NHSL1: variants seen among roughly 807,000 people sequenced by gnomAD.
NHSL1 encodes NHS-like protein 1.
Under a neutral mutation model 95.0 loss-of-function variants are expected in NHSL1, and 48 were observed. That is an observed-to-expected ratio of 0.51 (90% CI 0.40 to 0.64). The LOEUF (loss-of-function observed/expected upper bound fraction) is 0.64, where lower values mean the gene tolerates loss of function less well. Among genes scored for constraint, NHSL1 ranks in the 30% least tolerant of loss-of-function variants. The pLI is 0.00. For synonymous variants in NHSL1, 783 were observed against 833.9 expected (o/e 0.94, Z 1.05); for missense variants, 1,971 against 2,077.7 (o/e 0.95, Z 1.00).
At chr6:138,596,672 G>A (rs1219525630) in intron 1 of NHSL1, among the ~76,000 whole-genome samples, 1 of 152,112 alleles carries the variant, frequency 6.6e-6, no homozygotes, top group Non-Finnish European at 1.5e-5. Flanking sequence ...GGAGCTCAAT[G>A]CAGCTAATTT....
intron 2 of NHSL1, among the ~76,000 whole-genome samples, chr6:138,483,882 T>C (rs1779569998): frequency 6.6e-6 from 1 of 152,110 alleles, no homozygotes; most frequent in Admixed American, 6.5e-5. Flanking sequence ...CTTGAAGGGG[T>C]ACTGTAACTA....
intron 1 of NHSL1, among the ~76,000 whole-genome samples, chr6:138,530,505 T>G (rs1184623101): frequency 6.6e-6 from 1 of 152,190 alleles, no homozygotes; most frequent in Non-Finnish European, 1.5e-5. Flanking sequence ...AATTTGCAAT[T>G]GCAAAAATGT....
At chr6:138,545,649 T>A (rs895885103) in exon 1 of NHSL1, 1 of 1,289,296 alleles carries the variant, frequency 7.8e-7, no homozygotes, top group Non-Finnish European at 1.0e-6. Context: ...TCTGCAGCAG[T>A]TCCATGGAGG....
In NHSL1 at chr6:138,424,842, A is replaced by T; in HGVS notation, c.4086-26T>A. On this transcript the variant is annotated intron_variant, in intron 7 of 7. Coordinates refer to ENST00000343505, the MANE Select transcript of NHSL1 (RefSeq NM_001144060.2). The surrounding 1 kb of genome is among the most constrained non-coding windows in gnomAD (Gnocchi z 5.9). ...CTGAGATTTAATAACATTAAGAAAAAGGTTAATTCCCACGGGACCACAGGC... is the reference window on the plus strand; with the variant it reads ...CTGAGATTTAATAACATTAAGAAAATGGTTAATTCCCACGGGACCACAGGC... 1 of 1,536,470 alleles carries T rather than the reference A, an allele frequency of 6.5e-7. No homozygotes were observed. Among genetic ancestry groups the T allele is most frequent in the Admixed American group, 2.0e-5 (1 of 50,052 alleles).
intron 1 of NHSL1, among the ~76,000 whole-genome samples, chr6:138,602,323 C>T (rs1784382441): frequency 6.6e-6 from 1 of 152,020 alleles, no homozygotes; most frequent in Admixed American, 6.6e-5. Context: ...TTCTTATGTG[C>T]AAATACGGTT....
chr6:138,605,883 C>T (rs370258289), intron 1 of NHSL1, among the ~76,000 whole-genome samples: 2 of 152,150 alleles, frequency 1.3e-5, no homozygotes, highest in South Asian at 2.1e-4. Context: ...GTGGAAAGTG[C>T]GTGAGTACGA....
Position 138,431,606 on chromosome 6 carries a change from TC to T in NHSL1, c.2738del (p.Gly913GlufsTer5). On this transcript the variant is annotated frameshift_variant, in exon 6 of 8. Transcript: ENST00000343505. LOFTEE classifies it high-confidence loss of function. This position sits in a 1 kb window ranked among gnomAD's most constrained non-coding sequence, Gnocchi z 4.0. The part of the protein sequence containing the change: ...TSLSSSTSTE[G>X]SGTMKKLDPA... ...GATCCAGCTTCTTCATAGTGCCACT[TC>T]CTTCAGTAGAAGTACTAGAAGAAAG... is the stretch of plus-strand genomic sequence containing the variant. The T allele has an allele frequency of 6.4e-7, 1 of 1,551,630 alleles. No homozygotes were observed. The highest frequency in any genetic ancestry group is 8.7e-7 in the Non-Finnish European group (1 of 1,146,976).
At chr6:138,503,611 G>A (rs1780803954), upstream of NHSL1, among the ~76,000 whole-genome samples, 1 of 152,122 alleles carries the variant, frequency 6.6e-6, no homozygotes, top group Non-Finnish European at 1.5e-5. Flanking sequence ...GAGCGGCTAC[G>A]ACTAAGACTG....
chr6:138,663,062 C>CAAAAAAAAAAA (rs10632082), intron 1 of NHSL1, among the ~76,000 whole-genome samples: 2 of 126,670 alleles, frequency 1.6e-5, no homozygotes, highest in African/African-American at 3.2e-5. Flanking sequence ...GAACTCACGG[C>CAAAAAAAAAAA]AAAAAAAAAA....
chr6:138,684,967 ATT>A (rs150711736), intron 1 of NHSL1, among the ~76,000 whole-genome samples: 1 of 150,198 alleles, frequency 6.7e-6, no homozygotes, highest in Non-Finnish European at 1.5e-5. Flanking sequence ...ACTTATAACG[ATT>A]TTTTTTTTCT....
At chr6:138,657,811 T>A (rs1300064564) in intron 1 of NHSL1, among the ~76,000 whole-genome samples, 6 of 73,142 alleles carry the variant, frequency 8.2e-5, no homozygotes, top group South Asian at 5.4e-4. Context: ...CGAGACTCCA[T>A]CTCAAAAAAA....
At chr6:138,500,381 C>T (rs1415966149), upstream of NHSL1, among the ~76,000 whole-genome samples, 1 of 151,828 alleles carries the variant, frequency 6.6e-6, no homozygotes, top group Non-Finnish European at 1.5e-5. Flanking sequence ...TAAGAAGGCA[C>T]TGAAAAAACA....
intron 1 of NHSL1, among the ~76,000 whole-genome samples, chr6:138,618,438 TCCAATCTAAAAGG>T (rs1784610427): frequency 6.6e-6 from 1 of 152,204 alleles, no homozygotes; most frequent in African/African-American, 2.4e-5. Context: ...TCAAGTCCCA[TCCAATCTAAAAGG>T]GGAAGCACTT....
At chr6:138,672,134 C>G (rs1785380511) in intron 1 of NHSL1, among the ~76,000 whole-genome samples, 1 of 152,116 alleles carries the variant, frequency 6.6e-6, no homozygotes, top group East Asian at 1.9e-4. Context: ...CTGGCTCATG[C>G]CCAGTGCTCG....
At chr6:138,502,473 T>C (rs1235137309), upstream of NHSL1, among the ~76,000 whole-genome samples, 2 of 150,194 alleles carry the variant, frequency 1.3e-5, no homozygotes, top group Non-Finnish European at 3.0e-5. Flanking sequence ...TATATGACAG[T>C]GGCGGAAAAA....
At chr6:138,498,025 T>C (rs1231770545) in intron 1 of NHSL1, among the ~76,000 whole-genome samples, 5 of 152,218 alleles carry the variant, frequency 3.3e-5, no homozygotes, top group Non-Finnish European at 7.3e-5. Flanking sequence ...TTTTGCATGG[T>C]GCATACAACT....
At chr6:138,641,004 A>T (rs1034272904) in intron 1 of NHSL1, among the ~76,000 whole-genome samples, 1 of 152,234 alleles carries the variant, frequency 6.6e-6, no homozygotes, top group Non-Finnish European at 1.5e-5. Flanking sequence ...AGAATTTAAA[A>T]GCTAATGGGA....
At position 138,430,379 on chromosome 6, in the gene NHSL1, G is replaced by A. The variant is rs1775551750; in HGVS notation, c.3952+14C>T. The A allele has an allele frequency of 1.4e-6, 2 of 1,450,918 alleles. No homozygotes were observed. Among genetic ancestry groups the A allele is most frequent in the Non-Finnish European group, 9.1e-7 (1 of 1,097,866 alleles). The allele number at this position is 1,450,918 out of a possible 1,614,324, so 89.9% of individuals were successfully genotyped here. A position where few individuals can be genotyped will look rare whatever the true frequency, so the allele number is the denominator to read the frequency against. On this transcript the variant is annotated intron_variant, in intron 6 of 7. Transcript: ENST00000343505. The surrounding 1 kb of genome is among the most constrained non-coding windows in gnomAD (Gnocchi z 4.7). ...AGAGGGCACAGGAGAGAGAAGCCAG[G>A]AAGCCAGACTCACCTGCTCCGTCCT...
chr6:138,504,054 G>A (rs1780828745), upstream of NHSL1, among the ~76,000 whole-genome samples: 2 of 147,938 alleles, frequency 1.4e-5, no homozygotes, highest in Non-Finnish European at 3.0e-5. Context: ...AACCCAGAGA[G>A]ACCCTATCCC....
Sources: allele counts gnomAD v4.1 joint callset (sites outside exome capture counted in the v4.1 genomes callset), GRCh38; gene constraint gnomAD v4.1.1; non-coding constraint Gnocchi (gnomAD v3.1); transcripts MANE v1.5; gene names NCBI Gene and HGNC (gene_info 2026-07-23, HGNC 2026-07-21).